Variants in FOXN3 observed in about 807,000 individuals in gnomAD.
FOXN3 encodes forkhead box N3.
In FOXN3, 7 loss-of-function variants were observed where a neutral mutation model predicts 38.4. The observed-to-expected ratio is 0.18, with a 90% CI of 0.10 to 0.34. The LOEUF is 0.34. Among genes scored for constraint, FOXN3 ranks in the 10% least tolerant of loss-of-function variants. FOXN3 has a pLI of 1.00. For missense variants in FOXN3, 456 were observed against 613.4 expected, an observed-to-expected ratio of 0.74 and a Z score of 2.71; for synonymous variants, 230 against 242.2, an observed-to-expected ratio of 0.95 and a Z score of 0.47.
chr14:89,285,445 G>A (rs1198391725), intron 3 of FOXN3, among the ~76,000 whole-genome samples: 2 of 151,978 alleles, frequency 1.3e-5, no homozygotes, highest in Non-Finnish European at 2.9e-5. Flanking sequence ...TTTGAACCCA[G>A]GAGGCGGAGG....
chr14:89,474,358 C>T (rs1380385958), intron 1 of FOXN3, among the ~76,000 whole-genome samples: 1 of 152,168 alleles, frequency 6.6e-6, no homozygotes, highest in Non-Finnish European at 1.5e-5. Flanking sequence ...CCACCACATC[C>T]TCACCCCAAG....
At chr14:89,204,052 TACACACACACACAC>T (rs10559428) in intron 4 of FOXN3, among the ~76,000 whole-genome samples, 5,859 of 133,736 alleles carry the variant, frequency 0.044, 343 homozygotes, top group African/African-American at 0.14. Context: ...CATACTCCCT[TACACACACACACAC>T]ACACACACAC....
At chr14:89,288,784 C>T (rs1343684455) in intron 3 of FOXN3, among the ~76,000 whole-genome samples, 4 of 122,450 alleles carry the variant, frequency 3.3e-5, no homozygotes, top group Admixed American at 1.9e-4. Context: ...GCACTGGGTC[C>T]GTAAGCATTA....
At position 89,365,460 on chromosome 14, in the gene FOXN3, CA is replaced by C. The variant is rs551549235; in HGVS notation, c.544-14653del. ...CTAAGTTCTAATAAAGAAAAGGAAA[CA>C]GAAACACACCCCTCATACTCCAAGT... is the stretch of plus-strand genomic sequence containing the variant. On this transcript the variant is annotated intron_variant, in intron 2 of 5. Coordinates refer to ENST00000557258, the MANE Select transcript of FOXN3 (RefSeq NM_005197.4). Among the ~76,000 whole-genome samples, 857 of 152,238 alleles carry C rather than the reference CA, an allele frequency of 5.6e-3. 12 individuals carry two copies. The highest frequency in any genetic ancestry group is 3.9e-3 in the Non-Finnish European group (262 of 68,002).
At chr14:89,495,845 A>G (rs1893668634) in intron 1 of FOXN3, among the ~76,000 whole-genome samples, 1 of 152,228 alleles carries the variant, frequency 6.6e-6, no homozygotes, top group African/African-American at 2.4e-5. Context: ...AAAATCAGCA[A>G]CTGGTCCTAG....
At chr14:89,479,566 T>A (rs1175694555) in intron 1 of FOXN3, among the ~76,000 whole-genome samples, 1 of 152,194 alleles carries the variant, frequency 6.6e-6, no homozygotes, top group African/African-American at 2.4e-5. Context: ...TGCAGATGTC[T>A]TTCTCTGTGA....
At chr14:89,537,729 T>C (rs377011239) in intron 1 of FOXN3, among the ~76,000 whole-genome samples, 1 of 152,204 alleles carries the variant, frequency 6.6e-6, no homozygotes, top group Non-Finnish European at 1.5e-5. Context: ...CAGAATGAAC[T>C]TACCAAACAA....
chr14:89,453,518 C>CAA (rs1187382969), intron 1 of FOXN3, among the ~76,000 whole-genome samples: 11 of 132,884 alleles, frequency 8.3e-5, no homozygotes, highest in Non-Finnish European at 1.5e-4. Context: ...CGAGATCACG[C>CAA]CATTGCACTC....
At chr14:89,204,097 ACACACAACT>A in intron 4 of FOXN3, among the ~76,000 whole-genome samples, 1 of 135,614 alleles carries the variant, frequency 7.4e-6, no homozygotes, top group East Asian at 2.1e-4. Flanking sequence ...ACACACACAC[ACACACAACT>A]ACTACTACAA....
intron 1 of FOXN3, among the ~76,000 whole-genome samples, chr14:89,447,732 C>G (rs531234331): frequency 5.8e-4 from 88 of 151,984 alleles, no homozygotes; most frequent in African/African-American, 2.1e-3. Flanking sequence ...CTCTCTGCTA[C>G]CAAGTCTGTT....
intron 5 of FOXN3, among the ~76,000 whole-genome samples, chr14:89,177,033 CAG>C (rs1887540063): frequency 8.8e-6 from 1 of 113,632 alleles, no homozygotes; most frequent in Non-Finnish European, 1.7e-5. Flanking sequence ...TTTTTTTTGA[CAG>C]AGTCTTGCCC....
At chr14:89,325,260 C>G (rs61983120) in intron 3 of FOXN3, among the ~76,000 whole-genome samples, 6 of 133,192 alleles carry the variant, frequency 4.5e-5, no homozygotes, top group South Asian at 2.5e-4. Flanking sequence ...CCACCACCAC[C>G]ACCACCATCA....
At chr14:89,198,414 C>T (rs1220345837) in intron 4 of FOXN3, among the ~76,000 whole-genome samples, 1 of 152,002 alleles carries the variant, frequency 6.6e-6, no homozygotes, top group Non-Finnish European at 1.5e-5. Flanking sequence ...CCATGGATAC[C>T]GAGGGATGAC....
At chr14:89,393,644 C>G (rs1489890746) in intron 2 of FOXN3, among the ~76,000 whole-genome samples, 1 of 152,192 alleles carries the variant, frequency 6.6e-6, no homozygotes, top group African/African-American at 2.4e-5. Context: ...ACTGTGCACG[C>G]CACACACTTC....
chr14:89,324,018 AC>A (rs1410443380), intron 3 of FOXN3, among the ~76,000 whole-genome samples: 1 of 152,162 alleles, frequency 6.6e-6, no homozygotes, highest in Non-Finnish European at 1.5e-5. Flanking sequence ...CTCCTCAGAT[AC>A]AGCTTAAGTT....
intron 4 of FOXN3, among the ~76,000 whole-genome samples, chr14:89,246,738 A>G (rs1336601836): frequency 6.6e-6 from 1 of 151,482 alleles, no homozygotes; most frequent in Non-Finnish European, 1.5e-5. Context: ...ACGGGGTTTC[A>G]CCATCTTAGC....
intron 1 of FOXN3, among the ~76,000 whole-genome samples, chr14:89,471,779 A>G (rs1893100618): frequency 6.6e-6 from 1 of 152,160 alleles, no homozygotes; most frequent in African/African-American, 2.4e-5. Context: ...TATGGCCAAT[A>G]AAATGTGTGA....
At chr14:89,377,621 T>C (rs1596238543) in intron 2 of FOXN3, among the ~76,000 whole-genome samples, 2 of 152,304 alleles carry the variant, frequency 1.3e-5, no homozygotes, top group Admixed American at 1.3e-4. Context: ...CATGTTTGAA[T>C]TTTCTCACAG....
At chr14:89,344,395 C>A (rs943332921) in intron 3 of FOXN3, among the ~76,000 whole-genome samples, 3 of 152,040 alleles carry the variant, frequency 2.0e-5, no homozygotes, top group Non-Finnish European at 4.4e-5. Flanking sequence ...AAACACAAAA[C>A]AACGCTGGCT....
Sources: allele counts gnomAD v4.1 joint callset (sites outside exome capture counted in the v4.1 genomes callset), GRCh38; gene constraint gnomAD v4.1.1; transcripts MANE v1.5; gene names NCBI Gene and HGNC (gene_info 2026-07-23, HGNC 2026-07-21).